Variants in SETBP1 observed in about 807,000 individuals in gnomAD.
SETBP1 encodes SET binding protein 1.
In SETBP1, 9 loss-of-function variants were observed where a neutral mutation model predicts 101.0. The observed-to-expected ratio is 0.09, with a 90% CI of 0.05 to 0.16. SETBP1 has a LOEUF of 0.16. Among genes scored for constraint, SETBP1 ranks in the 10% least tolerant of loss-of-function variants. SETBP1 has a pLI of 1.00. For missense variants in SETBP1, 1,858 were observed against 2,033.8 expected (o/e 0.91, Z 1.66); for synonymous variants, 818 against 788.5 (o/e 1.04, Z -0.63).
Position 45,063,315 on chromosome 18 carries a change from G to C in SETBP1, c.4408G>C (p.Asp1470His). ...QPTQFDEDSR[D>H]QMPVLEKCID... Reference sequence around the variant, plus strand: ...CACCCAGTTCGATGAGGACTCCAGAGACCAAATGCCGGTGCTGGAAAAATG... The same window carrying C: ...CACCCAGTTCGATGAGGACTCCAGACACCAAATGCCGGTGCTGGAAAAATG... Residue 1470 changes from aspartate (D) to histidine (H), a missense_variant, in exon 6 of 6, where the codon GAC (aspartate) becomes CAC (histidine). By Grantham distance (81) the Asp-to-His change is moderately conservative. This residue lies in a region of SETBP1 where 178 missense variants were observed against 189.1 expected (regional missense o/e 0.94). Coordinates refer to ENST00000649279, the MANE Select transcript of SETBP1 (RefSeq NM_015559.3). 1 of 1,602,532 alleles carries C rather than the reference G, an allele frequency of 6.2e-7. No individual in the cohort carries two copies. Among genetic ancestry groups the C allele is most frequent in the South Asian group, 1.1e-5 (1 of 89,424 alleles).
Position 44,981,821 on chromosome 18 carries a change from C to A in SETBP1, c.4000+28481C>A, listed in dbSNP as rs185683944. 8.5e-5 allele frequency among the ~76,000 whole-genome samples: 13 copies of A among 152,196 alleles called. 1 individual carries two copies. The highest frequency in any genetic ancestry group is 3.1e-4 in the African/African-American group (13 of 41,512). Reference sequence around the variant, plus strand: ...CCAGATTTGATTTTTTTTAAGAAGCCCTTAGTTTTAATAGCTGATTAGCCT... The same window carrying A: ...CCAGATTTGATTTTTTTTAAGAAGCACTTAGTTTTAATAGCTGATTAGCCT... On this transcript the variant is annotated intron_variant, in intron 4 of 5. Coordinates refer to ENST00000649279, the MANE Select transcript of SETBP1 (RefSeq NM_015559.3).
intron 4 of SETBP1, among the ~76,000 whole-genome samples, chr18:45,007,595 G>T (rs2072756054): frequency 6.6e-6 from 1 of 151,966 alleles, no homozygotes; most frequent in Admixed American, 6.6e-5. Context: ...TTTCCCATCT[G>T]GTCTTTCCCA....
intron 2 of SETBP1, among the ~76,000 whole-genome samples, chr18:44,858,504 T>C (rs991065446): frequency 1.3e-5 from 2 of 152,260 alleles, no homozygotes; most frequent in Non-Finnish European, 2.9e-5. Context: ...TTTAATGTCT[T>C]TGAAAATACT....
At chr18:45,037,949 A>T (rs2073431048) in intron 4 of SETBP1, among the ~76,000 whole-genome samples, 1 of 152,188 alleles carries the variant, frequency 6.6e-6, no homozygotes. Flanking sequence ...AAGCTTCAGC[A>T]TGAGCCTTTC....
intron 2 of SETBP1, among the ~76,000 whole-genome samples, chr18:44,843,019 AGACC>A (rs1472423031): frequency 6.6e-6 from 1 of 152,262 alleles, no homozygotes; most frequent in East Asian, 1.9e-4. Flanking sequence ...TCAACCAAAG[AGACC>A]GATAGCAGCC....
rs746472998 is a variant in SETBP1, at chr18:44,697,166, G to C, written c.-172-4009G>C. On this transcript the variant is annotated intron_variant, in intron 1 of 5. Coordinates refer to ENST00000649279, the MANE Select transcript of SETBP1 (RefSeq NM_015559.3). Reference sequence around the variant, plus strand: ...CCTTGGCTTCCCCAACTCTGAGTGCGTGAGCCTGTGCGTGTGCTCACACGC... The same window carrying C: ...CCTTGGCTTCCCCAACTCTGAGTGCCTGAGCCTGTGCGTGTGCTCACACGC... 11 of 152,226 alleles carry C rather than the reference G, an allele frequency of 7.2e-5. No individual in the cohort carries two copies. The East Asian group carries it at 1.5e-3, about 21-fold the overall frequency. The allele number at this position is 152,226 out of a possible 1,614,324, so 9.4% of individuals were successfully genotyped here. A position where few individuals can be genotyped will look rare whatever the true frequency, so the allele number is the denominator to read the frequency against.
At chr18:44,786,023 A>G (rs1010426268) in intron 2 of SETBP1, among the ~76,000 whole-genome samples, 1 of 152,020 alleles carries the variant, frequency 6.6e-6, no homozygotes, top group Non-Finnish European at 1.5e-5. Context: ...TCTCTGTTTC[A>G]TGGGGTGCTT....
At chr18:44,900,194 A>G (rs1423262166) in intron 3 of SETBP1, among the ~76,000 whole-genome samples, 1 of 152,330 alleles carries the variant, frequency 6.6e-6, no homozygotes, top group Middle Eastern at 3.4e-3. Flanking sequence ...CCTGTTAGAA[A>G]TGCAGGTTCT....
chr18:44,778,079 T>C (rs2071042624), intron 2 of SETBP1, among the ~76,000 whole-genome samples: 1 of 152,220 alleles, frequency 6.6e-6, no homozygotes, highest in Non-Finnish European at 1.5e-5. Context: ...CGTCTTTATC[T>C]GCCTGGGCCC....
chr18:44,938,896 C>T (rs1466512971), intron 3 of SETBP1, among the ~76,000 whole-genome samples: 1 of 151,868 alleles, frequency 6.6e-6, no homozygotes, highest in Admixed American at 6.6e-5. Context: ...TTGCGGGCCG[C>T]CCTATGTTTC....
At chr18:44,785,727 A>T (rs1360457451) in intron 2 of SETBP1, among the ~76,000 whole-genome samples, 3 of 152,130 alleles carry the variant, frequency 2.0e-5, no homozygotes, top group African/African-American at 7.2e-5. Flanking sequence ...CTCTTGATTG[A>T]GACACAACAT....
chr18:44,971,130 G>C (rs1191616473), intron 4 of SETBP1, among the ~76,000 whole-genome samples: 2 of 151,866 alleles, frequency 1.3e-5, no homozygotes, highest in Non-Finnish European at 2.9e-5. Context: ...GCGGTGTTTG[G>C]TTTTTTGTCC....
intron 4 of SETBP1, among the ~76,000 whole-genome samples, chr18:44,977,495 T>C (rs780500261): frequency 2.6e-5 from 4 of 152,270 alleles, no homozygotes; most frequent in Non-Finnish European, 4.4e-5. Context: ...TGAATTGGAT[T>C]GTGAATAAAA....
rs2071419043 is a variant in SETBP1 at position 44,953,651 on chromosome 18, T to A, written c.4000+311T>A. Among the ~76,000 whole-genome samples, 2 of 152,228 alleles carry A rather than the reference T, an allele frequency of 1.3e-5. 1 individual carries two copies. The highest frequency in any genetic ancestry group is 4.1e-4 in the South Asian group (2 of 4,832). On this transcript the variant is annotated intron_variant, in intron 4 of 5. Coordinates refer to ENST00000649279, the MANE Select transcript of SETBP1 (RefSeq NM_015559.3). ...TAAAGATGCTGTTCTTAGGTCCTCA[T>A]CTGATCTAATGGTACAGTTTGCTGT...
intron 4 of SETBP1, among the ~76,000 whole-genome samples, chr18:44,994,987 C>T (rs1339195521): frequency 6.6e-6 from 1 of 152,094 alleles, no homozygotes; most frequent in Non-Finnish European, 1.5e-5. Context: ...TGGGAATTCA[C>T]CTCACAAGGA....
chr18:44,702,210 C>T (rs1026052386), intron 2 of SETBP1, among the ~76,000 whole-genome samples: 2 of 152,150 alleles, frequency 1.3e-5, no homozygotes, highest in South Asian at 4.1e-4. Context: ...AGGTCTTCAT[C>T]CTCATCGTCT....
chr18:44,713,022 G>A (rs1169759196), intron 2 of SETBP1, among the ~76,000 whole-genome samples: 3 of 133,514 alleles, frequency 2.2e-5, no homozygotes, highest in Non-Finnish European at 4.6e-5. Context: ...GCAGTGGTGT[G>A]ATCTCTGCTT....
At chr18:44,683,358 G>A (rs1266482712) in intron 1 of SETBP1, among the ~76,000 whole-genome samples, 1 of 152,152 alleles carries the variant, frequency 6.6e-6, no homozygotes, top group East Asian at 1.9e-4. Flanking sequence ...ATGAGGGTTG[G>A]GGAAAAAGGA....
At position 44,815,378 on chromosome 18, in the gene SETBP1, G is replaced by T. The variant is rs1393156102; in HGVS notation, c.487-53852G>T. Among the ~76,000 whole-genome samples, 5 of 152,336 alleles carry T rather than the reference G, an allele frequency of 3.3e-5. No homozygotes were observed. The East Asian group carries it at 7.7e-4, about 24-fold the overall frequency. On this transcript the variant is annotated intron_variant, in intron 2 of 5. Transcript: ENST00000649279. Reference sequence around the variant, plus strand: ...TAAAGCGTGAGTTGGATTTGAAGAGGAGGCTGTACGGGGCAGCCCGTATCT... The same window carrying T: ...TAAAGCGTGAGTTGGATTTGAAGAGTAGGCTGTACGGGGCAGCCCGTATCT...
Sources: gnomAD v4.1 joint callset for allele counts (sites outside exome capture counted in the v4.1 genomes callset) on GRCh38, gnomAD v4.1.1 for gene constraint, gnomAD v4.1.1 regional missense constraint, MANE v1.5 for transcripts, NCBI Gene and HGNC (gene_info 2026-07-23, HGNC 2026-07-21) for gene names.